Variants in CCDC192 observed in about 807,000 individuals in gnomAD.
CCDC192 encodes coiled-coil domain-containing protein 192.
At chr5:127,784,606 C>G in intron 3 of CCDC192, 1 of 610,530 alleles carries the variant, frequency 1.6e-6, no homozygotes, top group Non-Finnish European at 3.0e-6. Flanking sequence ...CAGACCCTTC[C>G]TGGAGGGTTA....
At chr5:127,929,885 G>C (rs1391586977) in intron 6 of CCDC192, among the ~76,000 whole-genome samples, 1 of 152,060 alleles carries the variant, frequency 6.6e-6, no homozygotes, top group African/African-American at 2.4e-5. Flanking sequence ...TCCCACATTT[G>C]ACACTAGTGC....
At chr5:127,746,091 G>GT (rs1353160597) in intron 2 of CCDC192, among the ~76,000 whole-genome samples, 2 of 152,200 alleles carry the variant, frequency 1.3e-5, no homozygotes, top group Admixed American at 1.3e-4. Context: ...GCTCTTTCCC[G>GT]TAAGGGAGTG....
chr5:127,727,999 G>A (rs74902206), intron 2 of CCDC192, among the ~76,000 whole-genome samples: 347 of 152,240 alleles, frequency 2.3e-3, no homozygotes, highest in African/African-American at 8.0e-3. Context: ...AGAGAAAAAT[G>A]AATGAAAAGG....
intron 5 of CCDC192, among the ~76,000 whole-genome samples, chr5:127,861,353 TAA>T (rs111544483): frequency 2.0e-4 from 25 of 127,292 alleles, no homozygotes; most frequent in African/African-American, 2.9e-4. Flanking sequence ...AATTTTAAGC[TAA>T]AAAAAAAAAA....
At position 127,797,984 on chromosome 5, in the gene CCDC192, G is replaced by A. The variant is rs144621195; in HGVS notation, c.355-122G>A. On this transcript the variant is annotated intron_variant, in intron 4 of 6. Transcript: ENST00000514853. ...TTTCTCCAATGATGGTTTTCAAAACGTAGCTGAAATAATGCTGCCATTCAC... is the reference window on the plus strand; with the variant it reads ...TTTCTCCAATGATGGTTTTCAAAACATAGCTGAAATAATGCTGCCATTCAC... The A allele has an allele frequency of 6.1e-4, 239 of 388,818 alleles. 1 individual carries two copies. The highest frequency in any genetic ancestry group is 4.5e-3 in the African/African-American group (218 of 48,284). The allele number at this position is 388,818 out of a possible 1,614,324, so 24.1% of individuals were successfully genotyped here. A position where few individuals can be genotyped will look rare whatever the true frequency, so the allele number is the denominator to read the frequency against.
chr5:127,906,375 T>C (rs1340232324), intron 6 of CCDC192, among the ~76,000 whole-genome samples: 1 of 152,230 alleles, frequency 6.6e-6, no homozygotes, highest in African/African-American at 2.4e-5. Context: ...GACTGAATAG[T>C]TTTCCATTGT....
chr5:127,876,380 G>C (rs1163456564), intron 6 of CCDC192, among the ~76,000 whole-genome samples: 1 of 152,042 alleles, frequency 6.6e-6, no homozygotes, highest in East Asian at 1.9e-4. Flanking sequence ...TAACCTCTAA[G>C]GTAAGTACAT....
chr5:127,747,289 A>T (rs1384788257), intron 2 of CCDC192, among the ~76,000 whole-genome samples: 1 of 150,326 alleles, frequency 6.7e-6, no homozygotes, highest in Non-Finnish European at 1.5e-5. Flanking sequence ...CCAGAGTGTG[A>T]TGTTCCCCTT....
chr5:127,927,706 C>T (rs574234829), intron 6 of CCDC192, among the ~76,000 whole-genome samples: 1 of 152,146 alleles, frequency 6.6e-6, no homozygotes, highest in Non-Finnish European at 1.5e-5. Flanking sequence ...GGTCTGTAAT[C>T]CAGATCTCTC....
intron 6 of CCDC192, among the ~76,000 whole-genome samples, chr5:127,911,621 T>C (rs1753353530): frequency 6.6e-6 from 1 of 152,020 alleles, no homozygotes; most frequent in Non-Finnish European, 1.5e-5. Context: ...TACAGTAAAC[T>C]TACTAAACAA....
chr5:127,740,505 G>T (rs1034999047), intron 2 of CCDC192, among the ~76,000 whole-genome samples: 7 of 152,120 alleles, frequency 4.6e-5, no homozygotes, highest in Non-Finnish European at 4.4e-5. Context: ...CATGAAAAAG[G>T]TTTCTATGAA....
chr5:127,921,673 A>G (rs972295071), intron 6 of CCDC192, among the ~76,000 whole-genome samples: 1 of 152,164 alleles, frequency 6.6e-6, no homozygotes, highest in African/African-American at 2.4e-5. Context: ...AGACTGACAC[A>G]CACGGAGGGG....
intron 2 of CCDC192, among the ~76,000 whole-genome samples, chr5:127,718,077 T>C (rs1023812875): frequency 2.0e-5 from 3 of 152,120 alleles, no homozygotes; most frequent in Non-Finnish European, 4.4e-5. Flanking sequence ...AAGATCTTAG[T>C]GATTTAAAAT....
At chr5:127,784,744 C>T (rs1414108993) in intron 3 of CCDC192, 2 of 521,048 alleles carry the variant, frequency 3.8e-6, no homozygotes, top group Non-Finnish European at 7.6e-6. Context: ...GAGTGAGGGC[C>T]TCATCAACTA....
At chr5:127,818,421 A>G (rs1364922034) in intron 5 of CCDC192, among the ~76,000 whole-genome samples, 1 of 152,174 alleles carries the variant, frequency 6.6e-6, no homozygotes, top group African/African-American at 2.4e-5. Context: ...TAGACATCCA[A>G]AATTCTATTG....
intron 2 of CCDC192, among the ~76,000 whole-genome samples, chr5:127,748,716 A>G (rs371279034): frequency 1.4e-5 from 2 of 142,406 alleles, no homozygotes; most frequent in African/African-American, 5.0e-5. Context: ...CCATTTTCAC[A>G]ATATTGATTC....
At chr5:127,884,342 C>CAAAAAAAAAAAAAAAAAAAAAAAAA (rs778430655) in intron 6 of CCDC192, among the ~76,000 whole-genome samples, 9 of 11,850 alleles carry the variant, frequency 7.6e-4, no homozygotes, top group Admixed American at 1.5e-3. Context: ...GACTCCGTCT[C>CAAAAAAAAAAAAAAAAAAAAAAAAA]AAAAAAAAAA....
chr5:127,763,548 T>C (rs1414781256), intron 3 of CCDC192, among the ~76,000 whole-genome samples: 1 of 152,168 alleles, frequency 6.6e-6, no homozygotes, highest in Non-Finnish European at 1.5e-5. Context: ...AGATCTCATA[T>C]TTCTCAACTT....
intron 5 of CCDC192, among the ~76,000 whole-genome samples, chr5:127,819,789 G>A (rs957138172): frequency 2.0e-5 from 3 of 152,222 alleles, no homozygotes; most frequent in South Asian, 2.1e-4. Context: ...TCAATAGCAG[G>A]TCCAAGGTTA....
Sources: allele counts gnomAD v4.1 joint callset (sites outside exome capture counted in the v4.1 genomes callset), GRCh38; gene constraint gnomAD v4.1.1; transcripts MANE v1.5; gene names NCBI Gene and HGNC (gene_info 2026-07-23, HGNC 2026-07-21).